RARB: variants seen among roughly 807,000 people sequenced by gnomAD.
RARB encodes retinoic acid receptor beta, also known as HBV-activated protein.
In RARB, 17 loss-of-function variants were observed where a neutral mutation model predicts 51.9. The observed-to-expected ratio is 0.33, with a 90% CI of 0.22 to 0.49. The LOEUF is 0.49. RARB is among the 20% of genes least tolerant of loss of function. The pLI is 0.99. For synonymous variants in RARB, 215 were observed against 195.4 expected (o/e 1.10, Z -0.84); for missense variants, 369 against 550.8 (o/e 0.67, Z 3.30).
chr3:25,428,081 G>A (rs1011346985), upstream of RARB, among the ~76,000 whole-genome samples: 1 of 152,174 alleles, frequency 6.6e-6, no homozygotes, highest in Non-Finnish European at 1.5e-5. Flanking sequence ...GCCGGCTTGT[G>A]CGCTCGCTGC....
intron 3 of RARB, among the ~76,000 whole-genome samples, chr3:25,519,650 G>A (rs2125630540): frequency 6.6e-6 from 1 of 152,128 alleles, no homozygotes. Context: ...AATGTCAAAA[G>A]TTATTGCCAC....
chr3:24,932,572 T>G (rs1372497748), intron 2 of RARB, among the ~76,000 whole-genome samples: 1 of 152,164 alleles, frequency 6.6e-6, no homozygotes, highest in Admixed American at 6.6e-5. Context: ...TGAATATTTG[T>G]TGTAATTTTC....
chr3:25,454,725 T>C (rs535029176), intron 1 of RARB, among the ~76,000 whole-genome samples: 112 of 152,268 alleles, frequency 7.4e-4, no homozygotes, highest in African/African-American at 2.6e-3. Context: ...AAAAATGTTA[T>C]CTGCTACTTA....
At chr3:25,245,751 T>A (rs1702544144) in intron 5 of RARB, among the ~76,000 whole-genome samples, 1 of 152,158 alleles carries the variant, frequency 6.6e-6, no homozygotes, top group Non-Finnish European at 1.5e-5. Flanking sequence ...TTCCTTCATT[T>A]CAATCTTGGT....
intron 5 of RARB, among the ~76,000 whole-genome samples, chr3:25,369,115 A>G (rs1405616803): frequency 6.6e-6 from 1 of 152,156 alleles, no homozygotes; most frequent in African/African-American, 2.4e-5. Flanking sequence ...AATTTCTTTC[A>G]CCTATCCTGA....
intron 5 of RARB, among the ~76,000 whole-genome samples, chr3:25,308,404 T>C (rs1704203732): frequency 6.6e-6 from 1 of 152,026 alleles, no homozygotes; most frequent in African/African-American, 2.4e-5. Context: ...CACTCAGATA[T>C]TAAAAATTAT....
chr3:25,336,246 T>TC (rs1265272717), intron 5 of RARB, among the ~76,000 whole-genome samples: 1 of 152,214 alleles, frequency 6.6e-6, no homozygotes, highest in Admixed American at 6.5e-5. Flanking sequence ...TAGTAGTTTT[T>TC]CTTTCTTACA....
chr3:24,858,689 C>T (rs1310835914), exon 2 of RARB: 1 of 152,132 alleles, frequency 6.6e-6, no homozygotes, highest in Non-Finnish European at 1.5e-5. Flanking sequence ...TGAACATCAT[C>T]ATAAAAAGAC....
intron 5 of RARB, among the ~76,000 whole-genome samples, chr3:25,384,120 T>C (rs1194989657): frequency 6.6e-6 from 1 of 152,114 alleles, no homozygotes; most frequent in East Asian, 1.9e-4. Flanking sequence ...TCAAACAGAA[T>C]CCACTTTTCT....
At chr3:24,836,800 C>T (rs2125328407) in intron 1 of RARB, among the ~76,000 whole-genome samples, 1 of 152,282 alleles carries the variant, frequency 6.6e-6, no homozygotes, top group East Asian at 1.9e-4. Flanking sequence ...TGGAAAAATT[C>T]ACGTTAGGAA....
intron 5 of RARB, among the ~76,000 whole-genome samples, chr3:25,419,876 C>CT (rs879834791): frequency 1.6e-4 from 25 of 151,996 alleles, no homozygotes; most frequent in Admixed American, 1.2e-3. Flanking sequence ...CTTTGCTTAT[C>CT]TTTTTTTGAA....
chr3:25,183,802 C>T (rs560994985), intron 5 of RARB, among the ~76,000 whole-genome samples: 1 of 152,202 alleles, frequency 6.6e-6, no homozygotes, highest in South Asian at 2.1e-4. Context: ...TCTGTCCATC[C>T]CTAGCATCTC....
At chr3:25,161,718 GTA>G (rs1310691478) in intron 4 of RARB, among the ~76,000 whole-genome samples, 1 of 152,120 alleles carries the variant, frequency 6.6e-6, no homozygotes, top group Non-Finnish European at 1.5e-5. Context: ...TTTTGTGTGT[GTA>G]TCTTACTCAC....
At chr3:24,912,633 C>G (rs1695014018) in intron 2 of RARB, among the ~76,000 whole-genome samples, 1 of 152,100 alleles carries the variant, frequency 6.6e-6, no homozygotes, top group African/African-American at 2.4e-5. Context: ...GCAATGAACT[C>G]CCATCGCTGG....
chr3:24,879,434 T>TA (rs11417503), intron 2 of RARB, among the ~76,000 whole-genome samples: 78,961 of 142,808 alleles, frequency 0.55, 22,111 homozygotes, highest in Non-Finnish European at 0.57. Flanking sequence ...GTCTCAAAAT[T>TA]AAAAAAAAAT....
upstream of RARB, among the ~76,000 whole-genome samples, chr3:25,423,896 G>C (rs938931934): frequency 2.0e-5 from 3 of 152,176 alleles, no homozygotes; most frequent in African/African-American, 7.2e-5. Flanking sequence ...ATTCAGCAGG[G>C]GTTGTATTTA....
intron 5 of RARB, among the ~76,000 whole-genome samples, chr3:25,391,079 A>G (rs1227691088): frequency 6.6e-6 from 1 of 152,078 alleles, no homozygotes; most frequent in Non-Finnish European, 1.5e-5. Context: ...CCCAAAGTTT[A>G]TTGTATCATT....
intron 3 of RARB, among the ~76,000 whole-genome samples, chr3:25,076,235 G>T (rs1389317513): frequency 6.6e-6 from 1 of 151,706 alleles, no homozygotes; most frequent in Non-Finnish European, 1.5e-5. Context: ...CCGCCTCCCG[G>T]GTTCACGCCA....
chr3:24,835,024 C>G (rs901622064), intron 1 of RARB, among the ~76,000 whole-genome samples: 1 of 151,864 alleles, frequency 6.6e-6, no homozygotes, highest in African/African-American at 2.4e-5. Flanking sequence ...TTCTTCTGTC[C>G]CTTATCCTTT....
Sources: gnomAD v4.1 joint callset for allele counts (sites outside exome capture counted in the v4.1 genomes callset) on GRCh38, gnomAD v4.1.1 for gene constraint, MANE v1.5 for transcripts, NCBI Gene and HGNC (gene_info 2026-07-23, HGNC 2026-07-21) for gene names.